DPP10: variants seen among roughly 807,000 people sequenced by gnomAD.
The protein encoded by DPP10 is dipeptidyl peptidase like 10, also known as inactive dipeptidyl peptidase 10.
A neutral mutation model predicts 120.9 loss-of-function variants in DPP10; 33 were observed. That is an observed-to-expected ratio of 0.27 (90% CI 0.21 to 0.37). The LOEUF is 0.37. DPP10 is among the 10% of genes least tolerant of loss of function. The pLI, the probability that DPP10 is intolerant of heterozygous loss-of-function variation, is 1.00. For missense variants in DPP10, 816 were observed against 942.8 expected, an observed-to-expected ratio of 0.87 and a Z score of 1.76; for synonymous variants, 337 against 326.1, an observed-to-expected ratio of 1.03 and a Z score of -0.36.
At chr2:115,761,763 A>G (rs1281026504) in intron 11 of DPP10, among the ~76,000 whole-genome samples, 2 of 152,120 alleles carry the variant, frequency 1.3e-5, no homozygotes, top group Non-Finnish European at 2.9e-5. Context: ...TTAGAAAAAG[A>G]AATTAGTATT....
chr2:115,350,061 C>G (rs2063927316), intron 3 of DPP10, among the ~76,000 whole-genome samples: 2 of 151,952 alleles, frequency 1.3e-5, no homozygotes, highest in South Asian at 4.1e-4. Context: ...TTTCTTGCAA[C>G]ATAATTTATA....
At chr2:115,805,776 C>T (rs756897605) in intron 19 of DPP10, among the ~76,000 whole-genome samples, 1 of 151,902 alleles carries the variant, frequency 6.6e-6, no homozygotes, top group Non-Finnish European at 1.5e-5. Flanking sequence ...GCTTTTGCCA[C>T]GTTGGCCTGA....
chr2:114,757,569 G>T (rs17043502), intron 1 of DPP10, among the ~76,000 whole-genome samples: 1 of 152,158 alleles, frequency 6.6e-6, no homozygotes, highest in African/African-American at 2.4e-5. Context: ...GTGCCAGGGA[G>T]ACTACTTGTA....
chr2:115,025,821 A>G (rs1703419372), intron 1 of DPP10, among the ~76,000 whole-genome samples: 1 of 151,208 alleles, frequency 6.6e-6, no homozygotes, highest in Non-Finnish European at 1.5e-5. Flanking sequence ...AATGTTTTAG[A>G]TTTTTTGCCC....
chr2:114,935,273 G>A (rs1696376029), intron 1 of DPP10, among the ~76,000 whole-genome samples: 1 of 49,694 alleles, frequency 2.0e-5, no homozygotes, highest in Non-Finnish European at 4.0e-5. Flanking sequence ...TCCTCTCAAT[G>A]CCTGTAAGCC....
chr2:115,199,078 A>G (rs965802808), intron 1 of DPP10, among the ~76,000 whole-genome samples: 7 of 152,132 alleles, frequency 4.6e-5, no homozygotes, highest in African/African-American at 7.2e-5. Flanking sequence ...AATAATAGCT[A>G]ACATTTATTG....
intron 17 of DPP10, among the ~76,000 whole-genome samples, chr2:115,784,272 A>G (rs1683096317): frequency 6.6e-6 from 1 of 152,174 alleles, no homozygotes. Context: ...AAGCAAATAT[A>G]CCAATGAGTA....
At chr2:114,634,491 C>A (rs1387069909) in intron 1 of DPP10, among the ~76,000 whole-genome samples, 1 of 151,770 alleles carries the variant, frequency 6.6e-6, no homozygotes, top group African/African-American at 2.4e-5. Flanking sequence ...TAACCCAGAG[C>A]AGTCTGGTTG....
chr2:114,508,625 A>G (rs1285300125), intron 1 of DPP10, among the ~76,000 whole-genome samples: 1 of 152,160 alleles, frequency 6.6e-6, no homozygotes, highest in Non-Finnish European at 1.5e-5. Flanking sequence ...ACTGGGTTAC[A>G]ATGGGAAGTA....
chr2:115,740,024 T>C, intron 9 of DPP10, 131 bp downstream of exon 9: 3 of 930,758 alleles, frequency 3.2e-6, no homozygotes, highest in Non-Finnish European at 5.0e-6. Context: ...GTCAGACTCA[T>C]CACTTTCGAT....
At chr2:115,050,249 A>G (rs914108917) in intron 1 of DPP10, 1 of 152,186 alleles carries the variant, frequency 6.6e-6, no homozygotes, top group African/African-American at 2.4e-5. Context: ...AGGTATTTAC[A>G]CTTACCCTGG....
chr2:114,857,234 A>G lies in DPP10; in HGVS notation c.60+414396A>G, dbSNP rs116649952. 3.2e-3 allele frequency among the ~76,000 whole-genome samples: 481 copies of G among 152,350 alleles called. 2 individuals are homozygous for G. Among genetic ancestry groups the G allele is most frequent in the African/African-American group, 0.011 (445 of 41,588 alleles). Reference sequence around the variant, plus strand: ...TAAAAGATCAAGCTATAAACTATATAAAACCATAACATCCTTTACTTTACT... The same window carrying G: ...TAAAAGATCAAGCTATAAACTATATGAAACCATAACATCCTTTACTTTACT... On this transcript the variant is annotated intron_variant, in intron 1 of 25. Coordinates refer to ENST00000410059, the MANE Select transcript of DPP10 (RefSeq NM_020868.6).
chr2:115,618,810 C>A lies in DPP10; in HGVS notation c.442-70877C>A, dbSNP rs1050059510. Among the ~76,000 whole-genome samples the A allele has an allele frequency of 2.0e-5, 3 of 152,036 alleles. No individual in the cohort carries two copies. In the South Asian group the frequency reaches 6.2e-4, roughly 32 times the overall value. On this transcript the variant is annotated intron_variant, in intron 5 of 25. Transcript: ENST00000410059. ...GCCCTAAATTCCGTGCCATCGATAG[C>A]GGGAGGAAGTAGAAATCCTTTGACA...
Position 114,595,058 on chromosome 2 carries a change from T to C in DPP10, c.60+152220T>C, listed in dbSNP as rs1691796698. 2.6e-5 allele frequency among the ~76,000 whole-genome samples: 4 copies of C among 152,130 alleles called. No homozygotes were observed. The South Asian group carries it at 8.3e-4, about 32-fold the overall frequency. Reference sequence around the variant, plus strand: ...GGCCTCTCTGGGCTTTTGTAATTAATACATCTGGTCATAGGGGAAAAGAAT... The same window carrying C: ...GGCCTCTCTGGGCTTTTGTAATTAACACATCTGGTCATAGGGGAAAAGAAT... On this transcript the variant is annotated intron_variant, in intron 1 of 25. Coordinates refer to ENST00000410059, the MANE Select transcript of DPP10 (RefSeq NM_020868.6).
At chr2:115,752,110 A>C (rs547822730) in intron 10 of DPP10, among the ~76,000 whole-genome samples, 1 of 152,238 alleles carries the variant, frequency 6.6e-6, no homozygotes, top group South Asian at 2.1e-4. Context: ...AACTAGTTTA[A>C]TTAGTTTTAA....
At chr2:115,710,973 C>G (rs1394735061) in intron 7 of DPP10, among the ~76,000 whole-genome samples, 6 of 151,966 alleles carry the variant, frequency 3.9e-5, no homozygotes, top group Non-Finnish European at 7.4e-5. Flanking sequence ...CTTTTAGAAT[C>G]TGTAATGTGT....
At chr2:115,321,071 G>T (rs905602382) in intron 2 of DPP10, among the ~76,000 whole-genome samples, 2 of 152,130 alleles carry the variant, frequency 1.3e-5, no homozygotes, top group Non-Finnish European at 1.5e-5. Flanking sequence ...AGGCTGAGGT[G>T]GGAGGATCAC....
intron 1 of DPP10, among the ~76,000 whole-genome samples, chr2:114,788,607 CG>C (rs1435049969): frequency 1.3e-5 from 2 of 151,842 alleles, no homozygotes. Flanking sequence ...TTAGTAGAGA[CG>C]GGGTTTCACC....
chr2:115,032,550 T>A (rs1476802169), intron 1 of DPP10, among the ~76,000 whole-genome samples: 1 of 152,030 alleles, frequency 6.6e-6, no homozygotes, highest in Non-Finnish European at 1.5e-5. Context: ...TAGAATATTT[T>A]AAAAATAATA....
Sources: gnomAD v4.1 joint callset for allele counts (sites outside exome capture counted in the v4.1 genomes callset) on GRCh38, gnomAD v4.1.1 for gene constraint, MANE v1.5 for transcripts, NCBI Gene and HGNC (gene_info 2026-07-23, HGNC 2026-07-21) for gene names.